Variants in PALLD observed in about 807,000 individuals in gnomAD.
The protein encoded by PALLD is palladin.
In PALLD, 61 loss-of-function variants were observed where a neutral mutation model predicts 123.5. The observed-to-expected ratio is 0.49, with a 90% CI of 0.40 to 0.61. The LOEUF is 0.61. PALLD is among the 20% of genes least tolerant of loss of function. The pLI, the probability that PALLD is intolerant of heterozygous loss-of-function variation, is 0.00. For missense variants in PALLD, 1,273 were observed against 1,377.0 expected (o/e 0.92, Z 1.20); for synonymous variants, 465 against 496.4 (o/e 0.94, Z 0.84).
rs1554082039 is a variant in PALLD, at chr4:168,783,046, A to ATATG, written c.1964+71124_1964+71125insATGT. Among the ~76,000 whole-genome samples, 467 of 116,150 alleles carry ATATG rather than the reference A, an allele frequency of 4.0e-3. 2 individuals carry two copies. The highest frequency in any genetic ancestry group is 0.013 in the East Asian group (58 of 4,536). 76.2% of individuals were successfully genotyped at this position (116,150 alleles called of 152,430 possible). Reference sequence around the variant, plus strand: ...TTCTACTCACAAATTTTATATATATATGTGTGTGTGTGTGTGTGTGTGTGT... The same window carrying ATATG: ...TTCTACTCACAAATTTTATATATATATATGTGTGTGTGTGTGTGTGTGTGTGTGT... On this transcript the variant is annotated intron_variant, in intron 10 of 21. Coordinates refer to ENST00000505667, the MANE Select transcript of PALLD (RefSeq NM_001166108.2).
At chr4:168,753,357 A>C (rs1731322073) in intron 10 of PALLD, among the ~76,000 whole-genome samples, 9 of 144,476 alleles carry the variant, frequency 6.2e-5, no homozygotes, top group Admixed American at 1.4e-4. Flanking sequence ...CTGCTTCCTG[A>C]CCCCCCAAAC....
At chr4:168,682,007 T>A (rs1781598403) in intron 4 of PALLD, among the ~76,000 whole-genome samples, 1 of 152,162 alleles carries the variant, frequency 6.6e-6, no homozygotes, top group Non-Finnish European at 1.5e-5. Context: ...GAAAATCAAT[T>A]AAATCATTAC....
At chr4:168,814,099 C>T (rs1380379533) in intron 10 of PALLD, among the ~76,000 whole-genome samples, 1 of 152,100 alleles carries the variant, frequency 6.6e-6, no homozygotes, top group Non-Finnish European at 1.5e-5. Context: ...ATACATTTTG[C>T]CAGCATTTTT....
At chr4:168,828,861 T>G (rs1426237538) in intron 10 of PALLD, 1 of 152,284 alleles carries the variant, frequency 6.6e-6, no homozygotes, top group African/African-American at 2.4e-5. Flanking sequence ...GGGAGTTCCT[T>G]GAGTGTCACT....
intron 2 of PALLD, among the ~76,000 whole-genome samples, chr4:168,640,086 A>G (rs1333150026): frequency 6.6e-6 from 1 of 152,166 alleles, no homozygotes; most frequent in Non-Finnish European, 1.5e-5. Flanking sequence ...TGACCTCACA[A>G]TTCCTTCAAA....
At chr4:168,611,136 G>T (rs146390486) in intron 2 of PALLD, among the ~76,000 whole-genome samples, 10 of 152,212 alleles carry the variant, frequency 6.6e-5, no homozygotes, top group African/African-American at 2.4e-4. Context: ...TCCTGGTTTG[G>T]ACCTAATATC....
chr4:168,739,549 T>C (rs1416688022), intron 10 of PALLD, among the ~76,000 whole-genome samples: 4 of 152,194 alleles, frequency 2.6e-5, no homozygotes, highest in Admixed American at 1.3e-4. Flanking sequence ...TATTTCAGAA[T>C]AGCTAGTAGA....
intron 2 of PALLD, among the ~76,000 whole-genome samples, chr4:168,608,919 G>A (rs956722488): frequency 1.3e-5 from 2 of 151,494 alleles, no homozygotes; most frequent in African/African-American, 4.9e-5. Context: ...ACAAAGAAGG[G>A]GACATCCCCC....
intron 2 of PALLD, among the ~76,000 whole-genome samples, chr4:168,537,074 T>C (rs367964204): frequency 5.1e-4 from 77 of 152,318 alleles, no homozygotes; most frequent in African/African-American, 1.8e-3. Context: ...ATCCGCTGCC[T>C]CGGCCTCCCA....
At chr4:168,733,511 T>C (rs1180756922) in intron 10 of PALLD, among the ~76,000 whole-genome samples, 1 of 151,632 alleles carries the variant, frequency 6.6e-6, no homozygotes, top group African/African-American at 2.4e-5. Context: ...TGATCATAAT[T>C]GTAAAATATT....
chr4:168,604,451 C>T (rs966165074), intron 2 of PALLD, among the ~76,000 whole-genome samples: 2 of 152,038 alleles, frequency 1.3e-5, no homozygotes, highest in African/African-American at 4.8e-5. Context: ...AACAATCGGC[C>T]AAACAATCTG....
rs1413185090 is a variant in PALLD, at chr4:168,928,251, A to C, written c.*2071A>C. 1 of 182,910 alleles carries C rather than the reference A, an allele frequency of 5.5e-6. No homozygotes were observed. Among genetic ancestry groups the C allele is most frequent in the African/African-American group, 2.4e-5 (1 of 42,460 alleles). 11.3% of individuals were successfully genotyped at this position (182,910 alleles called of 1,614,324 possible). A position where few individuals can be genotyped will look rare whatever the true frequency, so the allele number is the denominator to read the frequency against. On this transcript the variant is annotated 3_prime_UTR_variant, in exon 22 of 22. Transcript: ENST00000505667. Reference sequence around the variant, plus strand: ...ATGTCTTACTTGCCAAATTTTTCTGAATGTGACCTTTTTTTGCTGATTTGC... The same window carrying C: ...ATGTCTTACTTGCCAAATTTTTCTGCATGTGACCTTTTTTTGCTGATTTGC...
At chr4:168,794,702 T>C (rs961422391) in intron 10 of PALLD, among the ~76,000 whole-genome samples, 28 of 152,160 alleles carry the variant, frequency 1.8e-4, no homozygotes, top group African/African-American at 6.5e-4. Flanking sequence ...GTGTTCAGCA[T>C]CTGTCTTACT....
chr4:168,784,397 C>A (rs1445120911), intron 10 of PALLD, among the ~76,000 whole-genome samples: 1 of 152,102 alleles, frequency 6.6e-6, no homozygotes. Flanking sequence ...TTCCAGCACA[C>A]AGTGCCACTG....
chr4:168,890,651 T>C (rs565517248), intron 10 of PALLD, among the ~76,000 whole-genome samples: 1 of 152,228 alleles, frequency 6.6e-6, no homozygotes, highest in South Asian at 2.1e-4. Context: ...TCGCTAAGAC[T>C]TAAATGTAGG....
intron 2 of PALLD, among the ~76,000 whole-genome samples, chr4:168,661,314 A>G (rs1241596476): frequency 6.6e-6 from 1 of 152,182 alleles, no homozygotes; most frequent in Non-Finnish European, 1.5e-5. Context: ...AGCCCCTGCT[A>G]CTAGTCTCAT....
intron 10 of PALLD, among the ~76,000 whole-genome samples, chr4:168,816,675 A>G (rs942232325): frequency 5.9e-5 from 9 of 152,070 alleles, no homozygotes; most frequent in African/African-American, 1.9e-4. Context: ...GTGATGCAAC[A>G]TAGCAGTCTT....
intron 2 of PALLD, chr4:168,536,672 C>G (rs1206902897): frequency 6.6e-6 from 1 of 152,188 alleles, no homozygotes; most frequent in Non-Finnish European, 1.5e-5. Flanking sequence ...CGAGAACTCA[C>G]TCACTATCAC....
In PALLD at chr4:168,761,547, G is replaced by T. The variant is rs187957572; in HGVS notation, c.1964+49624G>T. Among the ~76,000 whole-genome samples, 13 of 151,118 alleles carry T rather than the reference G, an allele frequency of 8.6e-5. No individual in the cohort carries two copies. The East Asian group carries it at 2.6e-3, about 30-fold the overall frequency. On this transcript the variant is annotated intron_variant, in intron 10 of 21. Transcript: ENST00000505667. Reference sequence around the variant, plus strand: ...GCAGTCTCAGCTCACTACAACCTCCGCCTCCCGGGCTCAAGCGATTCTCCT... The same window carrying T: ...GCAGTCTCAGCTCACTACAACCTCCTCCTCCCGGGCTCAAGCGATTCTCCT...
Sources: gnomAD v4.1 joint callset for allele counts (sites outside exome capture counted in the v4.1 genomes callset) on GRCh38, gnomAD v4.1.1 for gene constraint, MANE v1.5 for transcripts, NCBI Gene and HGNC (gene_info 2026-07-23, HGNC 2026-07-21) for gene names.